USH2A: variants seen among roughly 807,000 people sequenced by gnomAD.
USH2A encodes Usher syndrome 2A (autosomal recessive, mild).
Under a neutral mutation model 538.9 loss-of-function variants are expected in USH2A, and 443 were observed. That is an observed-to-expected ratio of 0.82 (90% CI 0.76 to 0.89). The LOEUF (loss-of-function observed/expected upper bound fraction) is 0.89, where lower values mean the gene tolerates loss of function less well. USH2A is among the 40% of genes least tolerant of loss of function. USH2A has a pLI of 0.00. For missense variants in USH2A, 6,633 were observed against 6,324.8 expected (o/e 1.05, Z -1.65); for synonymous variants, 2,413 against 2,273.5 (o/e 1.06, Z -1.75).
chr1:216,203,480 A>C (rs1377814120), intron 16 of USH2A, among the ~76,000 whole-genome samples: 2 of 152,052 alleles, frequency 1.3e-5, no homozygotes, highest in African/African-American at 4.8e-5. Flanking sequence ...TTTTTGGAAC[A>C]TTGTTGACCA....
In USH2A at chr1:215,743,371, C is replaced by CATATATAT. The variant is rs376081393; in HGVS notation, c.11390-44_11390-37dup. 3.8e-3 allele frequency: 1,545 copies of CATATATAT among 405,014 alleles called. 23 individuals are homozygous for CATATATAT. Among genetic ancestry groups the CATATATAT allele is most frequent in the Non-Finnish European group, 4.7e-3 (1,155 of 245,306 alleles). The allele number at this position is 405,014 out of a possible 1,614,324, so 25.1% of individuals were successfully genotyped here. ...AGAGAGAGAGAGAGAACATTAAAAACATATATATATATATATGTGTGTGTG... is the reference window on the plus strand; with the variant it reads ...AGAGAGAGAGAGAGAACATTAAAAACATATATATATATATATATATATATGTGTGTGTG... On this transcript the variant is annotated intron_variant, in intron 58 of 71. Transcript: ENST00000307340.
rs371637132 is a variant in USH2A at position 216,024,515 on chromosome 1, G to T, written c.6325+21916C>A. ...TCATTAATGAATGTTCATAAATACTGGGAATAATACTTTAAAATATGTATT... is the reference window on the plus strand; with the variant it reads ...TCATTAATGAATGTTCATAAATACTTGGAATAATACTTTAAAATATGTATT... On this transcript the variant is annotated intron_variant, in intron 32 of 71. Transcript: ENST00000307340. 2.7e-3 allele frequency among the ~76,000 whole-genome samples: 415 copies of T among 152,004 alleles called. 1 individual carries two copies. The highest frequency in any genetic ancestry group is 9.2e-3 in the African/African-American group (381 of 41,502).
intron 15 of USH2A, 32 bp downstream of exon 15, chr1:216,217,355 C>G: frequency 6.2e-7 from 1 of 1,611,026 alleles, no homozygotes; most frequent in Non-Finnish European, 8.5e-7. Flanking sequence ...GATGCTGCTT[C>G]ACACACCAGC....
chr1:216,308,209 G>A (rs1357780354), intron 9 of USH2A, among the ~76,000 whole-genome samples: 3 of 152,184 alleles, frequency 2.0e-5, no homozygotes, highest in Non-Finnish European at 4.4e-5. Context: ...TGTTTGAGAA[G>A]TCTGGTCATG....
Position 216,072,941 on chromosome 1 carries a change from A to G in USH2A, c.5805T>C (p.His1935=), listed in dbSNP as rs1213153161. ...TEYLYRVIAS[H]EGGSVYSDWS... ...AATCACTATATACTGAACCTCCTTC[A>G]TGCGAGGCTATCACTCGATACAGGT... is the stretch of plus-strand genomic sequence containing the variant. Residue 1935 remains histidine, a synonymous_variant, in exon 29 of 72, where the codon CAT becomes CAC. Transcript: ENST00000307340. 4 of 1,614,010 alleles carry G rather than the reference A, an allele frequency of 2.5e-6. No individual in the cohort carries two copies. In the Admixed American group the frequency reaches 5.0e-5, roughly 20 times the overall value.
intron 15 of USH2A, among the ~76,000 whole-genome samples, chr1:216,215,717 A>G (rs895068746): frequency 1.3e-5 from 2 of 152,172 alleles, no homozygotes; most frequent in African/African-American, 4.8e-5. Flanking sequence ...AACTGTGCTC[A>G]GTATGATATA....
intron 11 of USH2A, among the ~76,000 whole-genome samples, chr1:216,283,492 A>G (rs970431689): frequency 4.6e-5 from 7 of 152,144 alleles, no homozygotes; most frequent in African/African-American, 1.7e-4. Flanking sequence ...TTCCAGTCTC[A>G]ATGTCTTTTA....
At chr1:216,002,839 T>C (rs1258780074) in intron 32 of USH2A, among the ~76,000 whole-genome samples, 1 of 152,154 alleles carries the variant, frequency 6.6e-6, no homozygotes, top group Non-Finnish European at 1.5e-5. Context: ...GACTTGCATA[T>C]CTGGAACTTA....
At chr1:216,264,365 T>G (rs1558351636) in intron 11 of USH2A, among the ~76,000 whole-genome samples, 1 of 152,070 alleles carries the variant, frequency 6.6e-6, no homozygotes, top group Non-Finnish European at 1.5e-5. Flanking sequence ...TGGCACAGTC[T>G]TGGCTCACTG....
chr1:216,314,228 T>C (rs2037469718), intron 9 of USH2A, among the ~76,000 whole-genome samples: 1 of 152,148 alleles, frequency 6.6e-6, no homozygotes, highest in South Asian at 2.1e-4. Flanking sequence ...TTTTTCATGT[T>C]TTCAACTTAT....
At chr1:215,908,631 C>T (rs911411569) in intron 38 of USH2A, among the ~76,000 whole-genome samples, 2 of 151,846 alleles carry the variant, frequency 1.3e-5, no homozygotes, top group Middle Eastern at 3.4e-3. Context: ...TTAAGAAAAA[C>T]ATTAAGATGA....
intron 1 of USH2A, among the ~76,000 whole-genome samples, chr1:216,422,800 ATATG>A (rs1277606230): frequency 1.3e-5 from 2 of 151,240 alleles, no homozygotes; most frequent in Admixed American, 6.6e-5. Flanking sequence ...TTTATATAAT[ATATG>A]TGTGTGTTTT....
intron 61 of USH2A, among the ~76,000 whole-genome samples, chr1:215,706,163 A>G (rs1234127544): frequency 1.3e-5 from 2 of 152,156 alleles, no homozygotes; most frequent in Non-Finnish European, 2.9e-5. Flanking sequence ...CTGTCTTTTG[A>G]GTCTGTGCTC....
In USH2A at chr1:216,322,054, C is replaced by T. The variant is rs1001914575; in HGVS notation, c.1551-78G>A. ...ATATTTAAGGTCCTAGGACTATATGCATTATGTGAATTTAACAGGGAAGAT... is the reference window on the plus strand; with the variant it reads ...ATATTTAAGGTCCTAGGACTATATGTATTATGTGAATTTAACAGGGAAGAT... On this transcript the variant is annotated intron_variant, in intron 8 of 71. Transcript: ENST00000307340. The T allele has an allele frequency of 1.2e-5, 16 of 1,373,272 alleles. No individual in the cohort carries two copies. In the African/African-American group the frequency reaches 1.8e-4, roughly 16 times the overall value. 85.1% of individuals were successfully genotyped at this position (1,373,272 alleles called of 1,614,324 possible).
chr1:216,370,134 G>A (rs1396411658), intron 3 of USH2A, among the ~76,000 whole-genome samples: 2 of 152,004 alleles, frequency 1.3e-5, no homozygotes, highest in Non-Finnish European at 2.9e-5. Context: ...CGAGGTGGGC[G>A]GATCACTTGA....
chr1:215,652,914 A>T (rs1183690408), intron 64 of USH2A, among the ~76,000 whole-genome samples: 1 of 152,200 alleles, frequency 6.6e-6, no homozygotes, highest in Admixed American at 6.5e-5. Context: ...TGAGGAAGAA[A>T]GTGCAACTAG....
intron 15 of USH2A, among the ~76,000 whole-genome samples, chr1:216,215,708 A>C (rs941721066): frequency 2.6e-5 from 4 of 152,130 alleles, no homozygotes; most frequent in African/African-American, 9.7e-5. Context: ...GAGTTGAAGA[A>C]CTGTGCTCAG....
chr1:216,365,754 G>A (rs2038584380), intron 3 of USH2A, among the ~76,000 whole-genome samples: 1 of 151,810 alleles, frequency 6.6e-6, no homozygotes, highest in African/African-American at 2.4e-5. Context: ...TGGGCCAAAT[G>A]GTTACTGTCA....
chr1:216,289,138 G>A (rs769548454), intron 11 of USH2A, 142 bp downstream of exon 11: 126 of 1,273,180 alleles, frequency 9.9e-5, no homozygotes, highest in Non-Finnish European at 1.2e-4. Context: ...AGTTGCACAC[G>A]AACAACCATC....
Sources: allele counts gnomAD v4.1 joint callset (sites outside exome capture counted in the v4.1 genomes callset), GRCh38; gene constraint gnomAD v4.1.1; transcripts MANE v1.5; gene names NCBI Gene and HGNC (gene_info 2026-07-23, HGNC 2026-07-21).